Variants in LGI1 observed in about 807,000 individuals in gnomAD.
LGI1 encodes the protein leucine rich glioma inactivated 1.
In LGI1, 11 loss-of-function variants were observed where a neutral mutation model predicts 57.7. The observed-to-expected ratio is 0.19, with a 90% CI of 0.12 to 0.32. LGI1 has a LOEUF of 0.32. Ranked by LOEUF, LGI1 falls within the 10% of genes least tolerant of loss-of-function variation. The probability of loss-of-function intolerance (pLI) is 1.00; values close to 1 mark genes in which losing one functional copy is unlikely to be tolerated. For synonymous variants in LGI1, 222 were observed against 241.9 expected (o/e 0.92, Z 0.76); for missense variants, 422 against 661.9 (o/e 0.64, Z 3.98).
Position 93,797,561 on chromosome 10 carries a change from G to A in LGI1, c.1432G>A (p.Val478Met), listed in dbSNP as rs1305066637. 3 of 1,614,170 alleles carry A rather than the reference G, an allele frequency of 1.9e-6. No individual in the cohort carries two copies. Among genetic ancestry groups the A allele is most frequent in the Non-Finnish European group, 2.5e-6 (3 of 1,179,994 alleles). The change falls in exon 8 of 8, where the codon GTG (valine) becomes ATG (methionine). Residue 478 changes from valine to methionine, a missense_variant. Transcript: ENST00000371418. This position sits in a 1 kb window ranked among gnomAD's most constrained non-coding sequence, Gnocchi z 6.5. ...GAGGATGCCATCGCGAGGATCCATG[G>A]TGTTCCAGCCTCTTCAAATAAATAA... is the stretch of plus-strand genomic sequence containing the variant. ...IQRMPSRGSMVFQPLQINNYQ... is the reference protein window; with the variant it reads ...IQRMPSRGSMMFQPLQINNYQ...
chr10:93,761,935 G>A (rs7897783), intron 2 of LGI1, among the ~76,000 whole-genome samples: 87,504 of 152,006 alleles, frequency 0.58, 25,344 homozygotes, highest in Middle Eastern at 0.63. Flanking sequence ...TGCAGTTTAG[G>A]GAAATGTGTT....
Position 93,758,830 on chromosome 10 carries a change from T to C in LGI1, c.286T>C (p.Leu96=), listed in dbSNP as rs2059593195. The part of the protein sequence containing the change: ...SFLFTPSLQL[L]LFTSNSFDVI... The stretch of plus-strand genomic sequence containing the variant: ...TTTATTCACGCCATCGCTGCAGCTC[T>C]TGTGAGAAATATTTATATCATGACT... The change falls in exon 2 of 8, where the codon TTG becomes CTG. Residue 96 remains leucine (L), a splice_region_variant and synonymous_variant. Transcript: ENST00000371418. The surrounding 1 kb of genome is among the most constrained non-coding windows in gnomAD (Gnocchi z 4.7). 5.0e-6 allele frequency: 8 copies of C among 1,602,286 alleles called. No individual in the cohort carries two copies. Among genetic ancestry groups the C allele is most frequent in the South Asian group, 1.1e-5 (1 of 90,880 alleles).
Position 93,777,702 on chromosome 10 carries a change from G to T in LGI1, c.431+85G>T. 6 of 1,042,988 alleles carry T rather than the reference G, an allele frequency of 5.8e-6. No homozygotes were observed. In the South Asian group the frequency reaches 8.2e-5, roughly 14 times the overall value. 64.6% of individuals were successfully genotyped at this position (1,042,988 alleles called of 1,614,324 possible). On this transcript the variant is annotated intron_variant, in intron 4 of 7. Transcript: ENST00000371418. The stretch of plus-strand genomic sequence containing the variant: ...CCTGTGGTTAATGCACCTACTTTAT[G>T]AGTGTCCATAAAAATTTAAGAAACC...
chr10:93,794,362 CT>C (rs71031540), intron 7 of LGI1, among the ~76,000 whole-genome samples: 2,440 of 101,132 alleles, frequency 0.024, 65 homozygotes, highest in African/African-American at 0.09. Context: ...CTGGATCTCT[CT>C]TTTTTTTTTT....
chr10:93,766,019 T>C (rs1270256945), intron 2 of LGI1, among the ~76,000 whole-genome samples: 1 of 151,110 alleles, frequency 6.6e-6, no homozygotes, highest in East Asian at 1.9e-4. Context: ...GAATCAGTTC[T>C]AACAAACCAA....
At chr10:93,784,429 C>T (rs901428600) in intron 4 of LGI1, among the ~76,000 whole-genome samples, 11 of 152,188 alleles carry the variant, frequency 7.2e-5, no homozygotes, top group Non-Finnish European at 1.6e-4. Flanking sequence ...ATCATTCTGA[C>T]CCAGTGATCA....
In LGI1 at chr10:93,797,921, C is replaced by A; in HGVS notation, c.*118C>A. ...AATGAATGCCTTTCAAACATTGAGA[C>A]TGCTAGAACCAAGCACTACCAGTAT... On this transcript the variant is annotated 3_prime_UTR_variant, in exon 8 of 8. Transcript: ENST00000371418. The surrounding 1 kb of genome is among the most constrained non-coding windows in gnomAD (Gnocchi z 6.5). 1.3e-6 allele frequency: 1 copy of A among 766,656 alleles called. No homozygotes were observed. The highest frequency in any genetic ancestry group is 2.3e-6 in the Non-Finnish European group (1 of 435,988). 47.5% of individuals were successfully genotyped at this position (766,656 alleles called of 1,614,324 possible). A position where few individuals can be genotyped will look rare whatever the true frequency, so the allele number is the denominator to read the frequency against.
In LGI1 at chr10:93,760,929, C is replaced by A. The variant is rs1201557836; in HGVS notation, c.287+2098C>A. 2.6e-5 allele frequency among the ~76,000 whole-genome samples: 4 copies of A among 152,280 alleles called. No homozygotes were observed. In the East Asian group the frequency reaches 7.7e-4, roughly 29 times the overall value. ...GATTGGCTAACCTCAACATGGTAGACTTGTGCCAGAGCTGAACTTATGCAA... is the reference window on the plus strand; with the variant it reads ...GATTGGCTAACCTCAACATGGTAGAATTGTGCCAGAGCTGAACTTATGCAA... On this transcript the variant is annotated intron_variant, in intron 2 of 7. Coordinates refer to ENST00000371418, the MANE Select transcript of LGI1 (RefSeq NM_005097.4).
intron 2 of LGI1, chr10:93,770,441 T>G (rs986563168): frequency 6.6e-6 from 1 of 152,400 alleles, no homozygotes; most frequent in African/African-American, 2.4e-5. Context: ...CACCCGGTAT[T>G]TGGGCAGCCT....
rs1200476372 is a variant in LGI1, at chr10:93,777,576, T to G, written c.390T>G (p.Ile130Met). 1.9e-6 allele frequency: 3 copies of G among 1,613,594 alleles called. No individual in the cohort carries two copies. In the African/African-American group the frequency reaches 4.0e-5, roughly 22 times the overall value. ...LFIENNNIKS[I>M]SRHTFRGLKS... Reference sequence around the variant, plus strand: ...TAGAAAACAACAACATCAAGTCAATTTCAAGACATACTTTCCGGGGACTAA... The same window carrying G: ...TAGAAAACAACAACATCAAGTCAATGTCAAGACATACTTTCCGGGGACTAA... Residue 130 changes from isoleucine to methionine, a missense_variant, in exon 4 of 8, where the codon ATT becomes ATG. Physicochemically the swap from Ile to Met is conservative, Grantham distance 10. Transcript: ENST00000371418.
rs2059890832 is a variant in LGI1 at position 93,785,813 on chromosome 10, T to G, written c.432-4286T>G. On this transcript the variant is annotated intron_variant, in intron 4 of 7. Coordinates refer to ENST00000371418, the MANE Select transcript of LGI1 (RefSeq NM_005097.4). ...ATCAACCCTAAAATAACCCTAACCC[T>G]AACCCACAAAGTGCTATCTCAGTCT... Among the ~76,000 whole-genome samples, 2 of 21,670 alleles carry G rather than the reference T, an allele frequency of 9.2e-5. 1 individual carries two copies. The highest frequency in any genetic ancestry group is 1.1e-4 in the African/African-American group (2 of 19,012). 14.2% of individuals were successfully genotyped at this position (21,670 alleles called of 152,430 possible).
chr10:93,759,046 G>A (rs1323220978), intron 2 of LGI1: 1 of 573,976 alleles, frequency 1.7e-6, no homozygotes, highest in Non-Finnish European at 3.1e-6. Context: ...CTGTCATGCT[G>A]TCTACTTTAA....
intron 2 of LGI1, among the ~76,000 whole-genome samples, chr10:93,773,869 CAA>C (rs2059765238): frequency 6.6e-6 from 1 of 152,194 alleles, no homozygotes; most frequent in Admixed American, 6.5e-5. Flanking sequence ...AAATTCCGCA[CAA>C]CCTCTGCACA....
chr10:93,796,964 C>G lies in LGI1; in HGVS notation c.839-4C>G. ...CAACTAATCTCTCCTTTGTCTTTTC[C>G]CAGGCACATCCACTGTAGTATGCAA... On this transcript the variant is annotated splice_region_variant and splice_polypyrimidine_tract_variant and intron_variant, in intron 7 of 7. Coordinates refer to ENST00000371418, the MANE Select transcript of LGI1 (RefSeq NM_005097.4). The G allele has an allele frequency of 1.9e-6, 3 of 1,609,314 alleles. No homozygotes were observed. Among genetic ancestry groups the G allele is most frequent in the Non-Finnish European group, 2.6e-6 (3 of 1,176,190 alleles).
At chr10:93,796,871 G>A in intron 7 of LGI1, 97 bp from the exon 8 acceptor site, 1 of 983,662 alleles carries the variant, frequency 1.0e-6, no homozygotes. Context: ...CTTGTTTCAG[G>A]CTGATTTGGG....
At chr10:93,762,381 T>C (rs1244372112) in intron 2 of LGI1, 1 of 152,204 alleles carries the variant, frequency 6.6e-6, no homozygotes, top group African/African-American at 2.4e-5. Context: ...GCAAAAGGCA[T>C]GAACAAAAGA....
intron 5 of LGI1, 79 bp from the exon 6 acceptor site, chr10:93,792,662 CAT>C: frequency 7.1e-7 from 1 of 1,407,862 alleles, no homozygotes; most frequent in Non-Finnish European, 1.0e-6. Context: ...TCATTCTGCA[CAT>C]GTTAATTGTT....
intron 2 of LGI1, chr10:93,764,473 G>A (rs1240585507): frequency 6.6e-6 from 1 of 152,180 alleles, no homozygotes; most frequent in Non-Finnish European, 1.5e-5. Flanking sequence ...CTTGCTGGTT[G>A]TTGATCCTGT....
intron 2 of LGI1, among the ~76,000 whole-genome samples, chr10:93,774,765 A>C (rs2133997358): frequency 6.6e-6 from 1 of 152,340 alleles, no homozygotes; most frequent in South Asian, 2.1e-4. Context: ...GGTTTCCCTT[A>C]ACAGAGACTG....
Sources: allele counts gnomAD v4.1 joint callset (sites outside exome capture counted in the v4.1 genomes callset), GRCh38; gene constraint gnomAD v4.1.1; non-coding constraint Gnocchi (gnomAD v3.1); transcripts MANE v1.5; gene names NCBI Gene and HGNC (gene_info 2026-07-23, HGNC 2026-07-21).